The following ESR1 variants were observed in gnomAD, a reference collection of about 807,000 sequenced individuals.
The protein encoded by ESR1 is estrogen receptor.
In ESR1, 12 loss-of-function variants were observed where a neutral mutation model predicts 52.7. The ratio of observed to expected loss-of-function variants is 0.23; its 90% CI spans 0.15 to 0.37. The LOEUF (loss-of-function observed/expected upper bound fraction) is 0.37, where lower values mean the gene tolerates loss of function less well. Among genes scored for constraint, ESR1 ranks in the 10% least tolerant of loss-of-function variants. The probability of loss-of-function intolerance (pLI) is 1.00; values close to 1 mark genes in which losing one functional copy is unlikely to be tolerated. For synonymous variants in ESR1, 305 were observed against 316.8 expected, an observed-to-expected ratio of 0.96 and a Z score of 0.39; for missense variants, 584 against 779.7, an observed-to-expected ratio of 0.75 and a Z score of 2.99.
chr6:151,692,544 A>G lies in ESR1; in HGVS notation c.-202+1880A>G, dbSNP rs143593324. On this transcript the variant is annotated intron_variant, in intron 1 of 2. Transcript: ENST00000404742. ...AAAAAAAAGTCATAGCATAGTCTTC[A>G]TCTATGGCAGTGGAGATATGGTCCT... Among the ~76,000 whole-genome samples, 1,479 of 152,320 alleles carry G rather than the reference A, an allele frequency of 9.7e-3. 11 individuals are homozygous for G. Among genetic ancestry groups the G allele is most frequent in the South Asian group, 0.024 (116 of 4,828 alleles).
intron 2 of ESR1, among the ~76,000 whole-genome samples, chr6:151,852,574 C>T (rs1262408735): frequency 1.3e-5 from 2 of 148,922 alleles, no homozygotes; most frequent in Admixed American, 1.3e-4. Flanking sequence ...TTAAGCTGTA[C>T]AAATAGTAAA....
chr6:151,846,146 C>G (rs768855539), intron 2 of ESR1, among the ~76,000 whole-genome samples: 7 of 152,094 alleles, frequency 4.6e-5, no homozygotes, highest in African/African-American at 1.4e-4. Context: ...GCATGTTTAG[C>G]CATGTGAATG....
intron 2 of ESR1, among the ~76,000 whole-genome samples, chr6:151,759,279 A>G (rs1784494904): frequency 6.6e-6 from 1 of 151,562 alleles, no homozygotes; most frequent in African/African-American, 2.4e-5. Context: ...AAAAAAAAAA[A>G]AAAAAAAAAA....
At chr6:151,926,142 C>T (rs2032698702) in intron 3 of ESR1, among the ~76,000 whole-genome samples, 1 of 151,982 alleles carries the variant, frequency 6.6e-6, no homozygotes, top group Non-Finnish European at 1.5e-5. Context: ...ATCAGTTGAC[C>T]TTATTTGTGT....
intron 3 of ESR1, among the ~76,000 whole-genome samples, chr6:151,936,617 G>A (rs2034388253): frequency 6.6e-6 from 1 of 152,076 alleles, no homozygotes; most frequent in Non-Finnish European, 1.5e-5. Context: ...GAATAATAAG[G>A]GCTACATTTA....
Position 152,099,250 on chromosome 6 carries a change from T to G in ESR1, c.*284T>G. ...GAGGATTCCCGTAGCTCTTCACAGC[T>G]GAACTCAGTCTATGGGTTGGGGCTC... On this transcript the variant is annotated 3_prime_UTR_variant, in exon 8 of 8. Transcript: ENST00000206249. 2.0e-6 allele frequency: 1 copy of G among 499,206 alleles called. No homozygotes were observed. The highest frequency in any genetic ancestry group is 3.7e-6 in the Non-Finnish European group (1 of 271,494). 30.9% of individuals were successfully genotyped at this position (499,206 alleles called of 1,614,324 possible). A position where few individuals can be genotyped will look rare whatever the true frequency, so the allele number is the denominator to read the frequency against.
At chr6:151,737,498 A>AT (rs1202731489) in intron 2 of ESR1, among the ~76,000 whole-genome samples, 5 of 152,098 alleles carry the variant, frequency 3.3e-5, no homozygotes, top group South Asian at 4.1e-4. Context: ...ATCAATGTGC[A>AT]TTTTTTTGCG....
At chr6:151,952,208 A>C (rs2036404937) in intron 4 of ESR1, among the ~76,000 whole-genome samples, 1 of 152,232 alleles carries the variant, frequency 6.6e-6, no homozygotes, top group South Asian at 2.1e-4. Context: ...TTGTTTTAAC[A>C]GATAAATAAT....
chr6:151,810,284 TA>T (rs35187725), intron 1 of ESR1, among the ~76,000 whole-genome samples: 63 of 149,986 alleles, frequency 4.2e-4, no homozygotes, highest in South Asian at 3.8e-3. Context: ...ACTTAAAAAT[TA>T]AAAAAAAAAC....
chr6:151,895,407 C>T lies in ESR1; in HGVS notation c.760+14636C>T, dbSNP rs117373608. Among the ~76,000 whole-genome samples the T allele has an allele frequency of 3.6e-3, 552 of 152,138 alleles. 3 individuals are homozygous for T. Among genetic ancestry groups the T allele is most frequent in the African/African-American group, 0.012 (516 of 41,508 alleles). On this transcript the variant is annotated intron_variant, in intron 3 of 7. Coordinates refer to ENST00000206249, the MANE Select transcript of ESR1 (RefSeq NM_000125.4). ...CTTTATTTCTTTCTCTTGTCTGCTC[C>T]GGCTAGGACTTCTGGTACTGTGTTG...
chr6:152,090,623 C>T (rs1044609200), intron 6 of ESR1, among the ~76,000 whole-genome samples: 3 of 152,172 alleles, frequency 2.0e-5, no homozygotes, highest in Non-Finnish European at 4.4e-5. Flanking sequence ...CCTCCAGCTT[C>T]CGGAAGACTC....
At chr6:151,854,887 C>T (rs1321980287) in intron 2 of ESR1, among the ~76,000 whole-genome samples, 3 of 152,260 alleles carry the variant, frequency 2.0e-5, no homozygotes, top group Admixed American at 2.0e-4. Flanking sequence ...CTCAGAGTTA[C>T]TAATAAGGGA....
At chr6:152,122,487 G>A in intron 6 of ESR1, 1 of 1,614,170 alleles carries the variant, frequency 6.2e-7, no homozygotes, top group Middle Eastern at 1.6e-4. Context: ...GGAATGACCG[G>A]GCAAAGTTGT....
At chr6:151,803,367 G>A (rs951643037), upstream of ESR1, among the ~76,000 whole-genome samples, 1 of 152,190 alleles carries the variant, frequency 6.6e-6, no homozygotes, top group Non-Finnish European at 1.5e-5. Flanking sequence ...ATTACAAGAG[G>A]CATGCTTTCC....
At chr6:151,714,528 G>A (rs1239097012) in intron 2 of ESR1, among the ~76,000 whole-genome samples, 4 of 152,078 alleles carry the variant, frequency 2.6e-5, no homozygotes. Flanking sequence ...TGCTGTATTG[G>A]GTGCATATAT....
intron 4 of ESR1, among the ~76,000 whole-genome samples, chr6:151,986,082 T>C (rs1438194066): frequency 6.6e-6 from 1 of 152,132 alleles, no homozygotes; most frequent in East Asian, 1.9e-4. Flanking sequence ...TTTTGATGTG[T>C]GTGGTCTGGG....
At position 151,808,132 on chromosome 6, in the gene ESR1, G is replaced by A. The variant is rs775435150; in HGVS notation, c.220G>A (p.Gly74Ser). Residue 74 changes from glycine (G) to serine (S), a missense_variant, in exon 1 of 8, where the codon GGT becomes AGT. By Grantham distance (56) the Gly-to-Ser change is moderately conservative. Transcript: ENST00000206249. ...AAAAANAQVY[G>S]QTGLPYGPGS... is the part of the protein sequence containing the mutation. ...GGCCGCCGCCAACGCGCAGGTCTAC[G>A]GTCAGACCGGCCTCCCCTACGGCCC... 1.2e-6 allele frequency: 2 copies of A among 1,607,522 alleles called. No individual in the cohort carries two copies. The highest frequency in any genetic ancestry group is 4.5e-5 in the East Asian group (2 of 44,564).
chr6:151,761,787 A>G (rs981568491), intron 2 of ESR1, among the ~76,000 whole-genome samples: 1 of 152,238 alleles, frequency 6.6e-6, no homozygotes, highest in Non-Finnish European at 1.5e-5. Context: ...ATTAGGCTCC[A>G]TCAGTGGTTC....
intron 3 of ESR1, among the ~76,000 whole-genome samples, chr6:151,881,564 A>G (rs1167388340): frequency 6.6e-6 from 1 of 152,156 alleles, no homozygotes; most frequent in East Asian, 1.9e-4. Context: ...CATCTTGAGG[A>G]ACATTGCTTC....
Sources: gnomAD v4.1 joint callset for allele counts (sites outside exome capture counted in the v4.1 genomes callset) on GRCh38, gnomAD v4.1.1 for gene constraint, MANE v1.5 for transcripts, NCBI Gene and HGNC (gene_info 2026-07-23, HGNC 2026-07-21) for gene names.